RFPL4A: variants seen among roughly 807,000 people sequenced by gnomAD.
RFPL4A encodes the protein ret finger protein-like 4A.
RFPL4A carries 4 observed loss-of-function variants against 8.3 expected under a neutral mutation model. The observed-to-expected ratio is 0.48, with a 90% CI of 0.24 to 1.10. The LOEUF (loss-of-function observed/expected upper bound fraction) is 1.10. RFPL4A is among the 50% of genes least tolerant of loss of function. The pLI is 0.18. For missense variants in RFPL4A, 111 were observed against 358.7 expected (o/e 0.31, Z 5.58); for synonymous variants, 43 against 136.6 (o/e 0.31, Z 4.78).
rs566890720 is a variant in RFPL4A, at chr19:55,763,034, C to G, written c.723C>G (p.Phe241Leu). The change falls in exon 3 of 3, where the codon TTC (phenylalanine) becomes TTG (leucine). Residue 241 changes from phenylalanine to leucine, a missense_variant. By Grantham distance (22) the Phe-to-Leu change is conservative. Coordinates refer to ENST00000434937, the MANE Select transcript of RFPL4A (RefSeq NM_001145014.2). ...NVSDGCHIYTFIEIPVCEPWR... is the reference protein window; with the variant it reads ...NVSDGCHIYTLIEIPVCEPWR... The stretch of plus-strand genomic sequence containing the variant: ...GTGATGGGTGCCATATCTACACATT[C>G]ATCGAGATTCCTGTTTGCGAGCCCT... The G allele has an allele frequency of 6.4e-7, 1 of 1,552,228 alleles. No homozygotes were observed. Among genetic ancestry groups the G allele is most frequent in the Admixed American group, 2.0e-5 (1 of 51,012 alleles).
At chr19:55,757,498 C>A (rs1989194154), upstream of RFPL4A, among the ~76,000 whole-genome samples, 1 of 152,082 alleles carries the variant, frequency 6.6e-6, no homozygotes, top group African/African-American at 2.4e-5. Context: ...AGAATACAGA[C>A]CTCGCTGACT....
intron 1 of RFPL4A, among the ~76,000 whole-genome samples, chr19:55,760,812 G>T (rs935117944): frequency 6.6e-6 from 1 of 151,468 alleles, no homozygotes; most frequent in South Asian, 2.1e-4. Context: ...ATACGTTCTC[G>T]ATTCTCTTGT....
Position 55,763,095 on chromosome 19 carries a change from G to A in RFPL4A, c.784G>A (p.Asp262Asn), listed in dbSNP as rs1989326997. ...TTTTGCTCATAAACGTGGAAGTCAAGATGATCAGAGCATCCTGAGTATCTG... is the reference window on the plus strand; with the variant it reads ...TTTTGCTCATAAACGTGGAAGTCAAAATGATCAGAGCATCCTGAGTATCTG... ...PFFAHKRGSQDDQSILSICSV... is the reference protein window; with the variant it reads ...PFFAHKRGSQNDQSILSICSV... The change falls in exon 3 of 3, where the codon GAT becomes AAT. Residue 262 changes from aspartate (D) to asparagine (N), a missense_variant. By Grantham distance (23) the Asp-to-Asn change is conservative. Coordinates refer to ENST00000434937, the MANE Select transcript of RFPL4A (RefSeq NM_001145014.2). The A allele has an allele frequency of 2.6e-6, 4 of 1,549,444 alleles. No homozygotes were observed. The highest frequency in any genetic ancestry group is 2.0e-5 in the Admixed American group (1 of 50,970).
chr19:55,762,823 C>G lies in RFPL4A; in HGVS notation c.512C>G (p.Ser171Cys). The G allele has an allele frequency of 7.0e-7, 1 of 1,438,702 alleles. No homozygotes were observed. The highest frequency in any genetic ancestry group is 9.5e-7 in the Non-Finnish European group (1 of 1,049,642). The allele number at this position is 1,438,702 out of a possible 1,614,324, so 89.1% of individuals were successfully genotyped here. Residue 171 changes from serine to cysteine, a missense_variant, in exon 3 of 3, where the codon TCT (serine) becomes TGT (cysteine). Coordinates refer to ENST00000434937, the MANE Select transcript of RFPL4A (RefSeq NM_001145014.2). ...TGGGATGTGGGCGTGTGCAAGGAATCTGTGAACCGACAGGGGAAGATTGTG... is the reference window on the plus strand; with the variant it reads ...TGGGATGTGGGCGTGTGCAAGGAATGTGTGAACCGACAGGGGAAGATTGTG... ...QVWDVGVCKE[S>C]VNRQGKIVLS... is the part of the protein sequence containing the mutation.
chr19:55,757,462 G>A (rs1370724491), upstream of RFPL4A, among the ~76,000 whole-genome samples: 2 of 152,092 alleles, frequency 1.3e-5, no homozygotes, highest in African/African-American at 4.8e-5. Context: ...CAGCTTCTGT[G>A]ACACGCCTGC....
Position 55,761,947 on chromosome 19 carries a change from C to A in RFPL4A, c.147C>A (p.Cys49Ter). The A allele has an allele frequency of 3.3e-6, 5 of 1,515,032 alleles. No individual in the cohort carries two copies. Among genetic ancestry groups the A allele is most frequent in the South Asian group, 1.2e-5 (1 of 83,184 alleles). 93.8% of individuals were successfully genotyped at this position (1,515,032 alleles called of 1,614,324 possible). A position where few individuals can be genotyped will look rare whatever the true frequency, so the allele number is the denominator to read the frequency against. ...QKEPDGEGLL[C>*]RFCSVVSQKD... ...AGCCCGATGGGGAAGGTTTACTGTG[C>A]CGTTTCTGCTCTGTGGTCTCTCAGA... The change falls in exon 2 of 3, where the codon TGC becomes TGA. Residue 49 changes from cysteine to a stop codon, truncating the protein, a stop_gained. Coordinates refer to ENST00000434937, the MANE Select transcript of RFPL4A (RefSeq NM_001145014.2). LOFTEE classifies it high-confidence loss of function.
At chr19:55,762,235 T>C (rs1989300659) in intron 2 of RFPL4A, 149 bp downstream of exon 2, 5 of 733,054 alleles carry the variant, frequency 6.8e-6, no homozygotes, top group African/African-American at 1.8e-5. Flanking sequence ...CACCTTTGCG[T>C]AGAGATTTTC....
At chr19:55,757,317 T>C (rs984240928), upstream of RFPL4A, among the ~76,000 whole-genome samples, 20 of 151,864 alleles carry the variant, frequency 1.3e-4, no homozygotes, top group Admixed American at 4.6e-4. Context: ...GGCACATCTA[T>C]ACCTATGTAC....
chr19:55,757,311 C>T (rs1213575877), upstream of RFPL4A, among the ~76,000 whole-genome samples: 1 of 151,758 alleles, frequency 6.6e-6, no homozygotes, highest in Non-Finnish European at 1.5e-5. Flanking sequence ...CCACATGGCA[C>T]ATCTATACCT....
upstream of RFPL4A, among the ~76,000 whole-genome samples, chr19:55,757,642 A>C (rs1989197291): frequency 6.6e-6 from 1 of 152,088 alleles, no homozygotes; most frequent in Non-Finnish European, 1.5e-5. Flanking sequence ...GAAAAGATGC[A>C]ATTGGAAAAG....
chr19:55,758,886 A>G (rs76706722), upstream of RFPL4A: 3 of 150,924 alleles, frequency 2.0e-5, no homozygotes, highest in Non-Finnish European at 4.4e-5. Flanking sequence ...ATAATATTCA[A>G]GATCTTATCT....
chr19:55,757,903 A>G (rs1408692423), upstream of RFPL4A, among the ~76,000 whole-genome samples: 2 of 152,090 alleles, frequency 1.3e-5, no homozygotes, highest in Non-Finnish European at 2.9e-5. Context: ...CGGGAAGCAG[A>G]TAAAAATTAA....
At chr19:55,760,919 C>A (rs1275001342) in intron 1 of RFPL4A, among the ~76,000 whole-genome samples, 1 of 150,962 alleles carries the variant, frequency 6.6e-6, no homozygotes, top group Non-Finnish European at 1.5e-5. Flanking sequence ...TTGGTGTGTG[C>A]TTTTCAGAGA....
chr19:55,760,626 G>A (rs890705501), intron 1 of RFPL4A, among the ~76,000 whole-genome samples: 2 of 151,516 alleles, frequency 1.3e-5, no homozygotes, highest in African/African-American at 4.9e-5. Context: ...TGCAGAATGT[G>A]TGATTTAGTG....
At chr19:55,757,801 A>T (rs1341243833), upstream of RFPL4A, among the ~76,000 whole-genome samples, 3 of 151,740 alleles carry the variant, frequency 2.0e-5, no homozygotes, top group Non-Finnish European at 2.9e-5. Flanking sequence ...GGAGACTATT[A>T]GAGAGGCAAA....
chr19:55,762,616 T>G lies in RFPL4A; in HGVS notation c.305T>G (p.Val102Gly), dbSNP rs772814084. Residue 102 changes from valine (V) to glycine (G), a missense_variant, in exon 3 of 3, where the codon GTG becomes GGG. Coordinates refer to ENST00000434937, the MANE Select transcript of RFPL4A (RefSeq NM_001145014.2). ...RKFQVDMTFD[V>G]DTANNYLIIS... is the part of the protein sequence containing the mutation. ...TGCACAGTGGATATGACGTTCGATG[T>G]GGACACAGCCAACAACTATCTCATC... The G allele has an allele frequency of 3.2e-6, 5 of 1,551,648 alleles. No individual in the cohort carries two copies. The highest frequency in any genetic ancestry group is 4.4e-6 in the Non-Finnish European group (5 of 1,146,954).
At chr19:55,762,491 G>C (rs1166793667) in intron 2 of RFPL4A, 107 bp from the exon 3 acceptor site, 1 of 1,443,428 alleles carries the variant, frequency 6.9e-7, no homozygotes, top group Non-Finnish European at 9.2e-7. Flanking sequence ...GGGAAAGAAA[G>C]TAGAATAAAA....
At chr19:55,759,581 T>G (rs1989241289) in intron 1 of RFPL4A, among the ~76,000 whole-genome samples, 1 of 151,850 alleles carries the variant, frequency 6.6e-6, no homozygotes, top group African/African-American at 2.4e-5. Context: ...TCCTTTTAAT[T>G]CAGAAAGAGA....
At chr19:55,760,048 A>C (rs1989251346) in intron 1 of RFPL4A, among the ~76,000 whole-genome samples, 1 of 151,568 alleles carries the variant, frequency 6.6e-6, no homozygotes, top group Non-Finnish European at 1.5e-5. Flanking sequence ...TCTTTCTTTC[A>C]CGTAGAAACA....
Sources: gnomAD v4.1 joint callset for allele counts (sites outside exome capture counted in the v4.1 genomes callset) on GRCh38, gnomAD v4.1.1 for gene constraint, MANE v1.5 for transcripts, NCBI Gene and HGNC (gene_info 2026-07-23, HGNC 2026-07-21) for gene names.